Variants in DPP10 observed in about 807,000 individuals in gnomAD.
DPP10 encodes the protein inactive dipeptidyl peptidase 10.
A neutral mutation model predicts 120.9 loss-of-function variants in DPP10; 33 were observed. That is an observed-to-expected ratio of 0.27 (90% CI 0.21 to 0.37). DPP10 has a LOEUF of 0.37. DPP10 is among the 10% of genes least tolerant of loss of function. The probability of loss-of-function intolerance (pLI) is 1.00; values close to 1 mark genes in which losing one functional copy is unlikely to be tolerated. For missense variants in DPP10, 816 were observed against 942.8 expected (o/e 0.87, Z 1.76); for synonymous variants, 337 against 326.1 (o/e 1.03, Z -0.36).
intron 11 of DPP10, among the ~76,000 whole-genome samples, chr2:115,759,847 C>G (rs1392317974): frequency 6.6e-6 from 1 of 151,970 alleles, no homozygotes; most frequent in South Asian, 2.1e-4. Context: ...CCCGTCCCTA[C>G]TAAAAATACA....
chr2:115,206,055 T>G (rs1254716017), intron 1 of DPP10, among the ~76,000 whole-genome samples: 1 of 152,086 alleles, frequency 6.6e-6, no homozygotes, highest in Non-Finnish European at 1.5e-5. Context: ...TGAGTAAGAA[T>G]CTGAAAAGAG....
intron 1 of DPP10, among the ~76,000 whole-genome samples, chr2:114,956,955 T>TA (rs1283410180): frequency 1.5e-5 from 2 of 133,746 alleles, no homozygotes; most frequent in Non-Finnish European, 3.2e-5. Flanking sequence ...ACTAAAGACT[T>TA]ACATGTAAGA....
At chr2:115,417,514 G>A (rs1365845065) in intron 3 of DPP10, among the ~76,000 whole-genome samples, 1 of 152,078 alleles carries the variant, frequency 6.6e-6, no homozygotes, top group Admixed American at 6.6e-5. Context: ...TTATACCAAA[G>A]CAGTAGTCCC....
chr2:115,358,109 C>T (rs867988574), intron 3 of DPP10, among the ~76,000 whole-genome samples: 1 of 152,060 alleles, frequency 6.6e-6, no homozygotes, highest in African/African-American at 2.4e-5. Context: ...AACATTGGGC[C>T]CCCTGTTGCT....
At chr2:114,740,056 A>T (rs1364213869) in intron 1 of DPP10, among the ~76,000 whole-genome samples, 1 of 151,808 alleles carries the variant, frequency 6.6e-6, no homozygotes, top group Admixed American at 6.6e-5. Flanking sequence ...ACACATGCAC[A>T]CGTATGTTTA....
At chr2:115,636,161 A>G (rs2086314734) in intron 5 of DPP10, among the ~76,000 whole-genome samples, 1 of 151,938 alleles carries the variant, frequency 6.6e-6, no homozygotes, top group Admixed American at 6.6e-5. Flanking sequence ...AAAAAAAACA[A>G]AAAACAGACA....
At chr2:114,853,550 A>G (rs1378509508) in intron 1 of DPP10, among the ~76,000 whole-genome samples, 4 of 152,092 alleles carry the variant, frequency 2.6e-5, no homozygotes, top group South Asian at 2.1e-4. Flanking sequence ...CTCATATCCA[A>G]TTCTTTGAAA....
intron 1 of DPP10, among the ~76,000 whole-genome samples, chr2:115,138,794 T>C (rs1011970902): frequency 2.6e-5 from 4 of 152,224 alleles, no homozygotes; most frequent in Non-Finnish European, 5.9e-5. Flanking sequence ...TACTTGTAGA[T>C]GCCATCAGAA....
chr2:114,903,236 T>C (rs1693721489), intron 1 of DPP10, among the ~76,000 whole-genome samples: 1 of 152,232 alleles, frequency 6.6e-6, no homozygotes, highest in African/African-American at 2.4e-5. Flanking sequence ...GTTTTGGTAA[T>C]TATGAATAAA....
At chr2:115,496,926 G>A (rs1390184193) in intron 3 of DPP10, among the ~76,000 whole-genome samples, 1 of 151,870 alleles carries the variant, frequency 6.6e-6, no homozygotes, top group Non-Finnish European at 1.5e-5. Flanking sequence ...CTGATTGGTT[G>A]GGGGGGATGC....
At chr2:115,537,384 G>A (rs1271474806) in intron 5 of DPP10, among the ~76,000 whole-genome samples, 2 of 152,120 alleles carry the variant, frequency 1.3e-5, no homozygotes, top group South Asian at 4.2e-4. Context: ...AATAGGCTTA[G>A]CATGGAGAAA....
intron 3 of DPP10, among the ~76,000 whole-genome samples, chr2:115,409,635 A>G (rs942977804): frequency 3.9e-5 from 6 of 152,234 alleles, no homozygotes; most frequent in African/African-American, 1.4e-4. Context: ...TAGATCTACC[A>G]TTTGATCCAG....
intron 1 of DPP10, among the ~76,000 whole-genome samples, chr2:115,212,770 A>G (rs1010568206): frequency 1.3e-5 from 2 of 152,214 alleles, no homozygotes; most frequent in African/African-American, 4.8e-5. Flanking sequence ...GTATATGTGT[A>G]CATATACATA....
chr2:114,807,208 A>G lies in DPP10; in HGVS notation c.60+364370A>G, dbSNP rs1684810713. ...AACATTATCTTTACCTAGAAGCAGG[A>G]GGGACAGGTATTTCTGATCAAAATC... On this transcript the variant is annotated intron_variant, in intron 1 of 25. Transcript: ENST00000410059. Among the ~76,000 whole-genome samples, 3 of 152,146 alleles carry G rather than the reference A, an allele frequency of 2.0e-5. No individual in the cohort carries two copies. In the South Asian group the frequency reaches 6.2e-4, roughly 31 times the overall value.
chr2:114,986,560 T>C (rs1420359572), intron 1 of DPP10, among the ~76,000 whole-genome samples: 1 of 152,196 alleles, frequency 6.6e-6, no homozygotes, highest in African/African-American at 2.4e-5. Context: ...TAACTGCCAC[T>C]ACCAATCAAA....
chr2:115,782,357 A>G lies in DPP10; in HGVS notation c.1489A>G (p.Arg497Gly), dbSNP rs540056170. The G allele has an allele frequency of 2.3e-4, 367 of 1,611,636 alleles. 5 individuals are homozygous for G. In the South Asian group the frequency reaches 3.8e-3, roughly 17 times the overall value. Reference sequence around the variant, plus strand: ...CACATATTTTTAAATTCCAGGTCCAAGGGTCCCAGTGGTCAGCCTACATAG... The same window carrying G: ...CACATATTTTTAAATTCCAGGTCCAGGGGTCCCAGTGGTCAGCCTACATAG... Reference protein sequence around the residue: ...QHFLLFCEGPRVPVVSLHSTD... With the variant: ...QHFLLFCEGPGVPVVSLHSTD... The change falls in exon 17 of 26, where the codon AGG becomes GGG. Residue 497 changes from arginine (R) to glycine (G), a missense_variant. Physicochemically the swap from Arg to Gly is moderately radical, Grantham distance 125. Transcript: ENST00000410059.
intron 1 of DPP10, among the ~76,000 whole-genome samples, chr2:114,721,154 A>C (rs1425390478): frequency 2.0e-5 from 3 of 152,214 alleles, no homozygotes; most frequent in Non-Finnish European, 4.4e-5. Context: ...CAAGCATCTA[A>C]ATGAAGAAAT....
In DPP10 at chr2:115,767,241, A is replaced by G. The variant is rs139169590; in HGVS notation, c.1114-1056A>G. Among the ~76,000 whole-genome samples, 1,233 of 152,208 alleles carry G rather than the reference A, an allele frequency of 8.1e-3. 14 individuals are homozygous for G. Among genetic ancestry groups the G allele is most frequent in the African/African-American group, 0.028 (1,174 of 41,530 alleles). On this transcript the variant is annotated intron_variant, in intron 12 of 25. Transcript: ENST00000410059. ...ATGCAGGAACCCAGTGAAGAAAGCA[A>G]GAGAATGACAAAGATGAGATCAGAA...
At chr2:115,406,749 A>G (rs1477021506) in intron 3 of DPP10, among the ~76,000 whole-genome samples, 1 of 152,214 alleles carries the variant, frequency 6.6e-6, no homozygotes, top group Non-Finnish European at 1.5e-5. Flanking sequence ...GATAACAATT[A>G]TAAAGGTACT....
Sources: gnomAD v4.1 joint callset for allele counts (sites outside exome capture counted in the v4.1 genomes callset) on GRCh38, gnomAD v4.1.1 for gene constraint, MANE v1.5 for transcripts, NCBI Gene and HGNC (gene_info 2026-07-23, HGNC 2026-07-21) for gene names.